The following CAMK4 variants were observed in gnomAD, a reference collection of about 807,000 sequenced individuals.
CAMK4 encodes the protein calcium/calmodulin-dependent protein kinase type IV.
Under a neutral mutation model 44.9 loss-of-function variants are expected in CAMK4, and 22 were observed. That is an observed-to-expected ratio of 0.49 (90% confidence interval 0.35 to 0.70). The LOEUF is 0.70. Ranked by LOEUF, CAMK4 falls within the 30% of genes least tolerant of loss-of-function variation. The probability of loss-of-function intolerance (pLI) is 0.01; values close to 1 mark genes in which losing one functional copy is unlikely to be tolerated. For missense variants in CAMK4, 498 were observed against 586.8 expected, an observed-to-expected ratio of 0.85 and a Z score of 1.56; for synonymous variants, 218 against 215.4, an observed-to-expected ratio of 1.01 and a Z score of -0.11.
At chr5:111,406,080 C>G (rs1156565314) in intron 5 of CAMK4, among the ~76,000 whole-genome samples, 24 of 140,708 alleles carry the variant, frequency 1.7e-4, no homozygotes, top group Admixed American at 5.7e-4. Flanking sequence ...TTTTTTTTGT[C>G]ACTTCTCTTC....
chr5:111,415,306 T>A (rs1322411196), intron 5 of CAMK4, among the ~76,000 whole-genome samples: 1 of 152,200 alleles, frequency 6.6e-6, no homozygotes, highest in African/African-American at 2.4e-5. Flanking sequence ...CTTTCATCAC[T>A]TAGCAGCCAT....
chr5:111,465,033 A>G (rs1186709102), intron 7 of CAMK4, among the ~76,000 whole-genome samples: 2 of 152,158 alleles, frequency 1.3e-5, no homozygotes, highest in African/African-American at 4.8e-5. Flanking sequence ...ATTGTCCCGT[A>G]TATTGAGCCA....
At chr5:111,348,910 A>G (rs1749978953) in intron 2 of CAMK4, among the ~76,000 whole-genome samples, 1 of 152,064 alleles carries the variant, frequency 6.6e-6, no homozygotes, top group Non-Finnish European at 1.5e-5. Flanking sequence ...ACTCACTGTT[A>G]TAAATGTATT....
chr5:111,458,214 C>T lies in CAMK4; in HGVS notation c.625+9011C>T, dbSNP rs557393892. Among the ~76,000 whole-genome samples, 9 of 152,156 alleles carry T rather than the reference C, an allele frequency of 5.9e-5. No homozygotes were observed. The East Asian group carries it at 9.7e-4, about 16-fold the overall frequency. ...CAGCATCTGAGTCAGTTGAGTAGTG[C>T]CAGGTAAAGGAAAAGTAGGGACAGA... On this transcript the variant is annotated intron_variant, in intron 7 of 10. Coordinates refer to ENST00000282356, the MANE Select transcript of CAMK4 (RefSeq NM_001744.6).
intron 1 of CAMK4, among the ~76,000 whole-genome samples, chr5:111,244,431 GC>G (rs1315939627): frequency 6.6e-6 from 1 of 152,142 alleles, no homozygotes; most frequent in African/African-American, 2.4e-5. Context: ...AAGAATTCTA[GC>G]CTTGATGTTG....
chr5:111,362,903 C>G (rs979862835), intron 2 of CAMK4, among the ~76,000 whole-genome samples: 11 of 152,062 alleles, frequency 7.2e-5, no homozygotes, highest in Admixed American at 2.6e-4. Flanking sequence ...ATAGTACATT[C>G]CAATTCTCAC....
At chr5:111,403,391 C>T (rs1752301334) in intron 5 of CAMK4, among the ~76,000 whole-genome samples, 1 of 152,094 alleles carries the variant, frequency 6.6e-6, no homozygotes, top group African/African-American at 2.4e-5. Context: ...CTATCAGTTC[C>T]TATGGTATTT....
chr5:111,278,372 G>T (rs1003859334), intron 1 of CAMK4, among the ~76,000 whole-genome samples: 2 of 141,374 alleles, frequency 1.4e-5, no homozygotes, highest in African/African-American at 2.6e-5. Context: ...GGAGAATCAG[G>T]CTTGTTTGTT....
At position 111,452,287 on chromosome 5, in the gene CAMK4, G is replaced by C. The variant is rs550052685; in HGVS notation, c.625+3084G>C. ...CAGAGGGCACAAATGGACTTAGAAA[G>C]GTCGGATGGACCATGTGTTTAAAGA... On this transcript the variant is annotated intron_variant, in intron 7 of 10. Transcript: ENST00000282356. Among the ~76,000 whole-genome samples, 68 of 152,314 alleles carry C rather than the reference G, an allele frequency of 4.5e-4. 1 individual carries two copies. In the East Asian group the frequency reaches 0.013, roughly 29 times the overall value.
chr5:111,282,172 G>A (rs1751051311), intron 1 of CAMK4, among the ~76,000 whole-genome samples: 1 of 152,136 alleles, frequency 6.6e-6, no homozygotes, highest in South Asian at 2.1e-4. Flanking sequence ...AAGCAAATAT[G>A]GGGCTGTTTG....
intron 1 of CAMK4, among the ~76,000 whole-genome samples, chr5:111,328,124 T>G (rs1224491868): frequency 2.1e-5 from 3 of 142,796 alleles, no homozygotes; most frequent in Non-Finnish European, 1.5e-5. Context: ...GGTTTTTTTC[T>G]AGGGTTTTTA....
intron 1 of CAMK4, among the ~76,000 whole-genome samples, chr5:111,250,289 C>T (rs1441529227): frequency 1.3e-5 from 2 of 152,204 alleles, no homozygotes; most frequent in African/African-American, 4.8e-5. Context: ...CAGGCAGCTA[C>T]AGAGAGCTTA....
At chr5:111,342,777 T>A (rs964156219) in intron 1 of CAMK4, among the ~76,000 whole-genome samples, 6 of 151,560 alleles carry the variant, frequency 4.0e-5, no homozygotes, top group African/African-American at 1.5e-4. Flanking sequence ...AAAGAATTAG[T>A]CATTGCCATA....
intron 5 of CAMK4, among the ~76,000 whole-genome samples, chr5:111,414,099 C>G (rs566659868): frequency 1.3e-5 from 2 of 152,102 alleles, no homozygotes; most frequent in Admixed American, 6.5e-5. Flanking sequence ...CCAATTTTTA[C>G]AACCCTTCAC....
At chr5:111,329,486 A>C (rs1166359770) in intron 1 of CAMK4, among the ~76,000 whole-genome samples, 1 of 151,944 alleles carries the variant, frequency 6.6e-6, no homozygotes, top group South Asian at 2.1e-4. Flanking sequence ...TGAGGGCAGC[A>C]TAACACTAAT....
chr5:111,233,980 TA>T (rs1748594069), intron 1 of CAMK4, among the ~76,000 whole-genome samples: 2 of 152,214 alleles, frequency 1.3e-5, no homozygotes. Context: ...TTTCTTTTTT[TA>T]ATTTTTGTCT....
At chr5:111,390,657 A>G (rs1419939270) in intron 4 of CAMK4, among the ~76,000 whole-genome samples, 1 of 152,236 alleles carries the variant, frequency 6.6e-6, no homozygotes, top group Non-Finnish European at 1.5e-5. Context: ...GTGCTATTAG[A>G]AATGTTTTTT....
intron 5 of CAMK4, among the ~76,000 whole-genome samples, chr5:111,434,376 T>C (rs1352982371): frequency 6.6e-6 from 1 of 151,836 alleles, no homozygotes. Context: ...AACAAATAGA[T>C]ATGAGACATA....
At chr5:111,385,997 C>A (rs1751587861) in intron 4 of CAMK4, among the ~76,000 whole-genome samples, 1 of 152,144 alleles carries the variant, frequency 6.6e-6, no homozygotes, top group African/African-American at 2.4e-5. Flanking sequence ...CTTGTCAGCT[C>A]CCTGGCCAGC....
Sources: gnomAD v4.1 joint callset for allele counts (sites outside exome capture counted in the v4.1 genomes callset) on GRCh38, gnomAD v4.1.1 for gene constraint, MANE v1.5 for transcripts, NCBI Gene and HGNC (gene_info 2026-07-23, HGNC 2026-07-21) for gene names.